The following HIVEP3 variants were observed in gnomAD, a reference collection of about 807,000 sequenced individuals.
The protein encoded by HIVEP3 is HIVEP zinc finger 3.
A neutral mutation model predicts 152.8 loss-of-function variants in HIVEP3; 49 were observed. That is an observed-to-expected ratio of 0.32 (90% CI 0.26 to 0.41). The LOEUF is 0.41. Among genes scored for constraint, HIVEP3 ranks in the 10% least tolerant of loss-of-function variants. HIVEP3 has a pLI of 1.00. For missense variants in HIVEP3, 2,790 were observed against 3,103.3 expected (o/e 0.90, Z 2.40); for synonymous variants, 1,269 against 1,289.0 (o/e 0.98, Z 0.33).
intron 1 of HIVEP3, among the ~76,000 whole-genome samples, chr1:41,885,728 C>G (rs891853453): frequency 2.7e-5 from 4 of 149,524 alleles, no homozygotes; most frequent in African/African-American, 9.9e-5. Context: ...CTTCCCTTCC[C>G]CCTCCTCTTC....
At chr1:41,576,634 G>T (rs554239001) in intron 4 of HIVEP3, among the ~76,000 whole-genome samples, 2 of 152,196 alleles carry the variant, frequency 1.3e-5, no homozygotes, top group Non-Finnish European at 2.9e-5. Flanking sequence ...TGATGCTGGG[G>T]CAATCTAAGA....
chr1:41,567,285 C>T (rs1644178706), intron 5 of HIVEP3, among the ~76,000 whole-genome samples: 1 of 152,186 alleles, frequency 6.6e-6, no homozygotes, highest in Non-Finnish European at 1.5e-5. Flanking sequence ...CTGCCATGTT[C>T]CTGGTCTAAA....
intron 1 of HIVEP3, among the ~76,000 whole-genome samples, chr1:42,020,942 G>A (rs1301913736): frequency 6.6e-6 from 1 of 152,188 alleles, no homozygotes; most frequent in African/African-American, 2.4e-5. Context: ...GTTGTAGGAA[G>A]AATGAAGAAG....
intron 1 of HIVEP3, among the ~76,000 whole-genome samples, chr1:41,836,623 C>T (rs898957087): frequency 2.6e-5 from 4 of 152,252 alleles, no homozygotes; most frequent in African/African-American, 7.2e-5. Flanking sequence ...CTACTCCAAA[C>T]TTACTGGGTC....
At position 41,886,850 on chromosome 1, in the gene HIVEP3, C is replaced by T. The variant is rs139803785; in HGVS notation, c.-801+31563G>A. 2.2e-3 allele frequency among the ~76,000 whole-genome samples: 332 copies of T among 151,928 alleles called. 1 individual carries two copies. The Middle Eastern group carries it at 0.034, about 16-fold the overall frequency. On this transcript the variant is annotated intron_variant, in intron 1 of 8. Coordinates refer to ENST00000372583, the MANE Select transcript of HIVEP3 (RefSeq NM_024503.5). ...AGGAAAATTTAGTTTTCACTGATGC[C>T]TATTCGAAAAAGAAAGTTTTCTCCT... is the stretch of plus-strand genomic sequence containing the variant.
intron 1 of HIVEP3, among the ~76,000 whole-genome samples, chr1:41,764,721 T>C (rs1449912931): frequency 6.6e-6 from 1 of 152,178 alleles, no homozygotes; most frequent in East Asian, 1.9e-4. Context: ...ACTGGGAATG[T>C]AGAGAGGAAC....
chr1:41,593,305 C>A (rs1644615373), intron 3 of HIVEP3, among the ~76,000 whole-genome samples: 1 of 152,126 alleles, frequency 6.6e-6, no homozygotes, highest in African/African-American at 2.4e-5. Context: ...TTATATTGAT[C>A]TGCGACTTGT....
chr1:41,620,741 C>G (rs887081821), intron 3 of HIVEP3, among the ~76,000 whole-genome samples: 3 of 152,162 alleles, frequency 2.0e-5, no homozygotes, highest in African/African-American at 7.2e-5. Context: ...AGTGCTACCT[C>G]TAAACTCCAC....
chr1:41,858,379 C>A (rs1570681925), intron 1 of HIVEP3, among the ~76,000 whole-genome samples: 1 of 152,198 alleles, frequency 6.6e-6, no homozygotes, highest in Non-Finnish European at 1.5e-5. Flanking sequence ...CATGCCCTGT[C>A]ATTCACAAAA....
At chr1:41,777,111 G>T (rs1027984734) in intron 1 of HIVEP3, among the ~76,000 whole-genome samples, 8 of 152,314 alleles carry the variant, frequency 5.3e-5, no homozygotes, top group African/African-American at 1.9e-4. Flanking sequence ...CAGCTGGGCA[G>T]CCTAGGGTGC....
chr1:42,006,830 C>G (rs911257046), intron 1 of HIVEP3, among the ~76,000 whole-genome samples: 1 of 152,080 alleles, frequency 6.6e-6, no homozygotes, highest in Non-Finnish European at 1.5e-5. Flanking sequence ...TCTCAGAGAC[C>G]CCCAGGGACC....
intron 3 of HIVEP3, among the ~76,000 whole-genome samples, chr1:41,623,241 G>A (rs1645070354): frequency 6.6e-6 from 1 of 152,206 alleles, no homozygotes. Context: ...TTTTGGAGAA[G>A]CGACACGAGA....
intron 1 of HIVEP3, among the ~76,000 whole-genome samples, chr1:41,820,611 C>T (rs1206576638): frequency 2.0e-5 from 3 of 152,202 alleles, no homozygotes; most frequent in Non-Finnish European, 2.9e-5. Flanking sequence ...AATAGCCATC[C>T]ATTTAAATCC....
intron 4 of HIVEP3, among the ~76,000 whole-genome samples, chr1:41,577,228 A>G (rs1182533752): frequency 6.6e-6 from 1 of 152,200 alleles, no homozygotes; most frequent in Non-Finnish European, 1.5e-5. Context: ...GTATAGTTAA[A>G]AATACTTACT....
At chr1:41,871,611 C>A (rs1644081105) in intron 1 of HIVEP3, among the ~76,000 whole-genome samples, 1 of 152,164 alleles carries the variant, frequency 6.6e-6, no homozygotes, top group African/African-American at 2.4e-5. Flanking sequence ...AGATGATGAA[C>A]ATGTTTCCAC....
chr1:41,762,495 A>G (rs911491103), intron 1 of HIVEP3, among the ~76,000 whole-genome samples: 1 of 152,208 alleles, frequency 6.6e-6, no homozygotes, highest in African/African-American at 2.4e-5. Context: ...AGCTGTTAGC[A>G]TGCTCTAACA....
intron 1 of HIVEP3, among the ~76,000 whole-genome samples, chr1:41,841,892 C>T (rs1014729656): frequency 3.9e-5 from 6 of 152,118 alleles, no homozygotes; most frequent in Non-Finnish European, 8.8e-5. Context: ...GAGTTCAAGA[C>T]CAGTCTGGCC....
intron 1 of HIVEP3, among the ~76,000 whole-genome samples, chr1:41,959,966 G>A (rs1645160652): frequency 6.6e-6 from 1 of 152,146 alleles, no homozygotes; most frequent in Non-Finnish European, 1.5e-5. Context: ...TACCTAATGG[G>A]AGCAGGAAGG....
intron 5 of HIVEP3, among the ~76,000 whole-genome samples, chr1:41,527,268 C>T (rs1245253577): frequency 8.3e-5 from 7 of 84,286 alleles, no homozygotes; most frequent in Non-Finnish European, 1.9e-4. Context: ...CTCACATGCT[C>T]ACCCTCACAC....
Sources: allele counts gnomAD v4.1 joint callset (sites outside exome capture counted in the v4.1 genomes callset), GRCh38; gene constraint gnomAD v4.1.1; transcripts MANE v1.5; gene names NCBI Gene and HGNC (gene_info 2026-07-23, HGNC 2026-07-21).